The following ROBO2 variants were observed in gnomAD, a reference collection of about 807,000 sequenced individuals.
ROBO2 encodes roundabout guidance receptor 2, also known as roundabout homolog 2.
In ROBO2, 53 loss-of-function variants were observed where a neutral mutation model predicts 160.8. That is an observed-to-expected ratio of 0.33 (90% CI 0.26 to 0.41). The LOEUF is 0.41. Ranked by LOEUF, ROBO2 falls within the 10% of genes least tolerant of loss-of-function variation. The probability of loss-of-function intolerance (pLI) is 1.00; values close to 1 mark genes in which losing one functional copy is unlikely to be tolerated. For missense variants in ROBO2, 1,577 were observed against 1,722.4 expected (o/e 0.92, Z 1.49); for synonymous variants, 664 against 611.7 (o/e 1.09, Z -1.26).
chr3:76,621,991 A>G (rs1276507721), intron 2 of ROBO2, among the ~76,000 whole-genome samples: 2 of 151,096 alleles, frequency 1.3e-5, no homozygotes, highest in Admixed American at 1.3e-4. Context: ...TCTTTATTAT[A>G]CCACTTATTC....
intron 2 of ROBO2, among the ~76,000 whole-genome samples, chr3:76,065,676 C>T (rs1373142687): frequency 6.6e-6 from 1 of 150,410 alleles, no homozygotes; most frequent in Non-Finnish European, 1.5e-5. Flanking sequence ...CATAAAAATA[C>T]AGCCTGATAT....
rs1284060021 is a variant in ROBO2, at chr3:76,433,469, A to G, written c.109+495867A>G. ...GCAACCTTACCTTAAATAGCTGTCA[A>G]CCTACATTTTGGTCAAACATAATAA... On this transcript the variant is annotated intron_variant, in intron 2 of 26. Transcript: ENST00000487694. Among the ~76,000 whole-genome samples the G allele has an allele frequency of 5.3e-5, 8 of 152,324 alleles. No homozygotes were observed. In the South Asian group the frequency reaches 8.3e-4, roughly 16 times the overall value.
chr3:76,585,628 C>G (rs2085985682), intron 2 of ROBO2, among the ~76,000 whole-genome samples: 1 of 152,126 alleles, frequency 6.6e-6, no homozygotes, highest in African/African-American at 2.4e-5. Flanking sequence ...TAAAAATTCT[C>G]ATACCTAACA....
At chr3:76,584,484 A>G (rs2085906133) in intron 2 of ROBO2, among the ~76,000 whole-genome samples, 1 of 152,084 alleles carries the variant, frequency 6.6e-6, no homozygotes, top group Admixed American at 6.6e-5. Context: ...TATAAACAGG[A>G]ACCTTGGACA....
At chr3:77,362,900 A>T (rs1467479174) in intron 2 of ROBO2, among the ~76,000 whole-genome samples, 1 of 152,128 alleles carries the variant, frequency 6.6e-6, no homozygotes, top group Admixed American at 6.6e-5. Flanking sequence ...CTTATTCATT[A>T]TCAGGAGAAC....
rs145090296 is a variant in ROBO2 at position 77,089,066 on chromosome 3, G to A, written c.62-8948G>A. The stretch of plus-strand genomic sequence containing the variant: ...TAAATAGTACAAAAAACCAGTTTAG[G>A]TAATTGCTTAAGGTGATATAACTAA... On this transcript the variant is annotated intron_variant, in intron 1 of 25. Transcript: ENST00000461745. 3.4e-3 allele frequency among the ~76,000 whole-genome samples: 524 copies of A among 152,198 alleles called. 4 individuals carry two copies. Among genetic ancestry groups the A allele is most frequent in the Non-Finnish European group, 5.1e-3 (346 of 68,006 alleles).
At chr3:77,317,447 C>T (rs1299161160) in intron 2 of ROBO2, 2 of 1,518,782 alleles carry the variant, frequency 1.3e-6, no homozygotes, top group Non-Finnish European at 1.8e-6. Context: ...GACTGCCCGT[C>T]ACTTTGGTGG....
At chr3:77,081,547 G>T (rs1559966457) in intron 1 of ROBO2, among the ~76,000 whole-genome samples, 1 of 152,316 alleles carries the variant, frequency 6.6e-6, no homozygotes, top group East Asian at 1.9e-4. Flanking sequence ...TATCATTAAA[G>T]GTTGTGCCAA....
In ROBO2 at chr3:76,018,699, T is replaced by C. The variant is rs181427350; in HGVS notation, c.109+81097T>C. 1.9e-4 allele frequency among the ~76,000 whole-genome samples: 29 copies of C among 152,158 alleles called. 1 individual carries two copies. The Middle Eastern group carries it at 0.01, about 54-fold the overall frequency. On this transcript the variant is annotated intron_variant, in intron 2 of 26. Coordinates refer to the ROBO2 transcript ENST00000487694. ...TAATTCCTTGGAATTGGCTAATATT[T>C]GCATTATGGCCTCCCCACATGGTTA...
chr3:77,023,209 G>T (rs2062750164), intron 2 of ROBO2, among the ~76,000 whole-genome samples: 1 of 152,080 alleles, frequency 6.6e-6, no homozygotes, highest in Non-Finnish European at 1.5e-5. Flanking sequence ...GCTTATCGGG[G>T]GTTACTGCTT....
chr3:77,391,919 T>G (rs1403712132), intron 2 of ROBO2, among the ~76,000 whole-genome samples: 2 of 152,132 alleles, frequency 1.3e-5, no homozygotes, highest in Non-Finnish European at 2.9e-5. Context: ...TCTCTTTTAC[T>G]GTCATCTATT....
At chr3:76,490,974 G>A (rs2079787984) in intron 2 of ROBO2, among the ~76,000 whole-genome samples, 2 of 151,412 alleles carry the variant, frequency 1.3e-5, no homozygotes, top group Admixed American at 6.6e-5. Context: ...TTTTTGGAGG[G>A]GGAGATGGAG....
intron 2 of ROBO2, among the ~76,000 whole-genome samples, chr3:76,662,586 C>T (rs565367845): frequency 7.9e-5 from 12 of 151,934 alleles, no homozygotes; most frequent in Middle Eastern, 3.4e-3. Context: ...AGTACTAATG[C>T]GAGTTAGGTG....
chr3:76,145,669 C>A (rs1049753890), intron 2 of ROBO2, among the ~76,000 whole-genome samples: 3 of 151,962 alleles, frequency 2.0e-5, no homozygotes, highest in African/African-American at 7.2e-5. Flanking sequence ...TTATGTATAA[C>A]TCCTTAGAAA....
chr3:77,551,133 G>A lies in ROBO2; in HGVS notation c.1231+144G>A, dbSNP rs186513214. ...GTTTGAATCCAGGTCACATTCTTTT[G>A]GTAGTTTCTAATTCTCCCTGATTGA... On this transcript the variant is annotated intron_variant, in intron 8 of 25. Coordinates refer to ENST00000461745, the Ensembl canonical transcript of ROBO2. 1.4e-5 allele frequency: 12 copies of A among 868,800 alleles called. No homozygotes were observed. In the African/African-American group the frequency reaches 1.8e-4, roughly 13 times the overall value. The allele number at this position is 868,800 out of a possible 1,614,324, so 53.8% of individuals were successfully genotyped here. A position where few individuals can be genotyped will look rare whatever the true frequency, so the allele number is the denominator to read the frequency against.
At chr3:77,293,886 G>A (rs563234287) in intron 2 of ROBO2, among the ~76,000 whole-genome samples, 12 of 139,854 alleles carry the variant, frequency 8.6e-5, no homozygotes, top group Admixed American at 3.0e-4. Flanking sequence ...TAAAATTGAC[G>A]GCTAAACGAG....
At chr3:77,323,249 A>C (rs1054187277) in intron 2 of ROBO2, among the ~76,000 whole-genome samples, 1 of 151,382 alleles carries the variant, frequency 6.6e-6, no homozygotes, top group East Asian at 2.0e-4. Flanking sequence ...ATACTCAAGG[A>C]TTTCCAACTG....
intron 2 of ROBO2, among the ~76,000 whole-genome samples, chr3:77,240,769 A>G (rs951936579): frequency 2.0e-5 from 3 of 152,218 alleles, no homozygotes. Flanking sequence ...AAAAGTTGAC[A>G]TTTCTGCTGA....
intron 2 of ROBO2, among the ~76,000 whole-genome samples, chr3:77,303,166 A>G (rs1038794532): frequency 3.9e-5 from 6 of 152,204 alleles, no homozygotes; most frequent in African/African-American, 1.4e-4. Flanking sequence ...CCGCACCTCC[A>G]TGCCATGTTC....
Sources: allele counts gnomAD v4.1 joint callset (sites outside exome capture counted in the v4.1 genomes callset), GRCh38; gene constraint gnomAD v4.1.1; transcripts MANE v1.5; gene names NCBI Gene and HGNC (gene_info 2026-07-23, HGNC 2026-07-21).